RAP1GAP2: variants seen among roughly 807,000 people sequenced by gnomAD.
RAP1GAP2 encodes the protein rap1 GTPase-activating protein 2.
A neutral mutation model predicts 95.0 loss-of-function variants in RAP1GAP2; 27 were observed. The ratio of observed to expected loss-of-function variants is 0.28; its 90% CI spans 0.21 to 0.39. RAP1GAP2 has a LOEUF of 0.39. RAP1GAP2 is among the 10% of genes least tolerant of loss of function. The pLI, the probability that RAP1GAP2 is intolerant of heterozygous loss-of-function variation, is 1.00. For missense variants in RAP1GAP2, 771 were observed against 970.0 expected, an observed-to-expected ratio of 0.79 and a Z score of 2.72; for synonymous variants, 373 against 380.9, an observed-to-expected ratio of 0.98 and a Z score of 0.24.
chr17:3,026,630 C>T (rs796462738), intron 21 of RAP1GAP2, among the ~76,000 whole-genome samples, 166 bp downstream of exon 21: 3 of 152,186 alleles, frequency 2.0e-5, no homozygotes, highest in South Asian at 2.1e-4. Context: ...ACCCCCTGGG[C>T]GCAGTGGGTG....
At position 2,898,305 on chromosome 17, in the gene RAP1GAP2, G is replaced by A. The variant is rs186684311; in HGVS notation, c.81-6979G>A. 1.7e-3 allele frequency among the ~76,000 whole-genome samples: 258 copies of A among 152,252 alleles called. 1 individual carries two copies. Among genetic ancestry groups the A allele is most frequent in the Non-Finnish European group, 3.2e-3 (219 of 68,008 alleles). ...ATGTGCTGGGATGGGCTGTGACCCC[G>A]AGGTCAGCCCTGCCAGGTAGGAACA... is the stretch of plus-strand genomic sequence containing the variant. On this transcript the variant is annotated intron_variant, in intron 2 of 24. Transcript: ENST00000254695.
chr17:2,775,048 C>T (rs9893270), upstream of RAP1GAP2, among the ~76,000 whole-genome samples: 24,543 of 150,314 alleles, frequency 0.16, 2,128 homozygotes, highest in African/African-American at 0.22. Flanking sequence ...ACCAGGTTGG[C>T]CTTGAACTCC....
chr17:2,873,608 A>G (rs1408067249), intron 2 of RAP1GAP2, among the ~76,000 whole-genome samples: 1 of 150,248 alleles, frequency 6.7e-6, no homozygotes. Flanking sequence ...CCTTCTAATA[A>G]TTTTGGCGTT....
At chr17:2,914,045 G>C (rs1182268264) in intron 3 of RAP1GAP2, among the ~76,000 whole-genome samples, 1 of 151,942 alleles carries the variant, frequency 6.6e-6, no homozygotes, top group African/African-American at 2.4e-5. Context: ...TAAGTTTTTT[G>C]TATTTTTAAT....
At chr17:2,968,207 A>C (rs942740255) in intron 8 of RAP1GAP2, among the ~76,000 whole-genome samples, 3 of 152,200 alleles carry the variant, frequency 2.0e-5, no homozygotes, top group Non-Finnish European at 4.4e-5. Flanking sequence ...GAATGGGAGG[A>C]AACAGTTGCT....
At chr17:2,916,842 C>T (rs949916160) in intron 3 of RAP1GAP2, among the ~76,000 whole-genome samples, 4 of 152,186 alleles carry the variant, frequency 2.6e-5, no homozygotes. Flanking sequence ...GTAGCTGGCT[C>T]ATCAGAGTCC....
rs138868322 is a variant in RAP1GAP2 at position 2,991,467 on chromosome 17, G to C, written c.914+70G>C. 5 of 1,205,902 alleles carry C rather than the reference G, an allele frequency of 4.1e-6. No individual in the cohort carries two copies. In the Admixed American group the frequency reaches 6.2e-5, roughly 15 times the overall value. 74.7% of individuals were successfully genotyped at this position (1,205,902 alleles called of 1,614,324 possible). On this transcript the variant is annotated intron_variant, in intron 12 of 24. Coordinates refer to ENST00000254695, the MANE Select transcript of RAP1GAP2 (RefSeq NM_015085.5). Reference sequence around the variant, plus strand: ...ACTAGAGGAAGGGCAAGACAGCTCAGTCCTCAGGGAGCACGTGTGAGTTAA... The same window carrying C: ...ACTAGAGGAAGGGCAAGACAGCTCACTCCTCAGGGAGCACGTGTGAGTTAA...
chr17:2,975,694 G>T (rs1206542187), intron 8 of RAP1GAP2, among the ~76,000 whole-genome samples: 2 of 152,348 alleles, frequency 1.3e-5, no homozygotes, highest in African/African-American at 2.4e-5. Flanking sequence ...CCTGAGGGTG[G>T]TCTCCTGTGC....
In RAP1GAP2 at chr17:2,771,210, CG is replaced by C. The variant is rs144822760; in HGVS notation, c.167+766del. On this transcript the variant is annotated intron_variant, in intron 2 of 25. Transcript: ENST00000637138. ...CACTTTGCTTTGACCTGGAGCCAGC[CG>C]TGCCTTCTTTGTCCGCCTCCTTTCC... 8.8e-3 allele frequency among the ~76,000 whole-genome samples: 1,337 copies of C among 152,248 alleles called. 19 individuals are homozygous for C. The highest frequency in any genetic ancestry group is 0.03 in the African/African-American group (1,258 of 41,522).
At chr17:2,893,910 G>A (rs1198404989) in intron 2 of RAP1GAP2, among the ~76,000 whole-genome samples, 2 of 152,314 alleles carry the variant, frequency 1.3e-5, no homozygotes, top group African/African-American at 2.4e-5. Flanking sequence ...CCTGAGCACC[G>A]CCCTTCCAGC....
intron 2 of RAP1GAP2, among the ~76,000 whole-genome samples, chr17:2,808,246 C>T (rs2069605669): frequency 6.6e-6 from 1 of 152,128 alleles, no homozygotes. Context: ...GTGGCCTTCC[C>T]TGCCTGGAGC....
chr17:2,848,157 G>A (rs1378160983), intron 2 of RAP1GAP2, among the ~76,000 whole-genome samples: 1 of 152,142 alleles, frequency 6.6e-6, no homozygotes, highest in East Asian at 1.9e-4. Context: ...AGCGCAGGGT[G>A]CCCGCCACTG....
intron 2 of RAP1GAP2, among the ~76,000 whole-genome samples, chr17:2,829,542 A>T (rs576072337): frequency 6.6e-6 from 1 of 152,280 alleles, no homozygotes; most frequent in South Asian, 2.1e-4. Context: ...TTCATGTGAG[A>T]AGGGAGAACT....
chr17:2,917,953 TGATCCACCTGCCTCGGC>T (rs1343149392), intron 3 of RAP1GAP2, among the ~76,000 whole-genome samples: 1 of 152,038 alleles, frequency 6.6e-6, no homozygotes, highest in Non-Finnish European at 1.5e-5. Flanking sequence ...TGACCTCAGG[TGATCCACCTGCCTCGGC>T]CTCCGGAAGT....
intron 2 of RAP1GAP2, among the ~76,000 whole-genome samples, chr17:2,805,981 T>C (rs2069499272): frequency 6.6e-6 from 1 of 152,124 alleles, no homozygotes; most frequent in Non-Finnish European, 1.5e-5. Context: ...TTTAAGTGGG[T>C]GGCTGCAGCC....
intron 3 of RAP1GAP2, among the ~76,000 whole-genome samples, chr17:2,934,020 CA>C (rs2043232049): frequency 6.6e-6 from 1 of 152,274 alleles, no homozygotes. Context: ...GAGCCTCTTG[CA>C]AATACCCACA....
At chr17:2,771,139 G>C (rs1208549483) in intron 2 of RAP1GAP2, among the ~76,000 whole-genome samples, 1 of 152,164 alleles carries the variant, frequency 6.6e-6, no homozygotes, top group African/African-American at 2.4e-5. Flanking sequence ...GAGATCCCTG[G>C]TTCCTTCCTC....
intron 2 of RAP1GAP2, among the ~76,000 whole-genome samples, chr17:2,883,147 C>T (rs1484975533): frequency 1.3e-5 from 2 of 152,206 alleles, no homozygotes; most frequent in African/African-American, 4.8e-5. Context: ...GCTCCACAGC[C>T]CCCAGGAGAC....
chr17:3,005,184 C>T lies in RAP1GAP2; in HGVS notation c.1201-185C>T, dbSNP rs1306237889. 1.3e-5 allele frequency among the ~76,000 whole-genome samples: 2 copies of T among 152,198 alleles called. No individual in the cohort carries two copies. The highest frequency in any genetic ancestry group is 2.9e-5 in the Non-Finnish European group (2 of 68,044). ...ATGAGAGGCTGCGGATGGCCCCACA[C>T]CGTCCGGCCCCACTTCTAGGAACAG... On this transcript the variant is annotated intron_variant, in intron 14 of 24. Coordinates refer to ENST00000254695, the MANE Select transcript of RAP1GAP2 (RefSeq NM_015085.5). This position sits in a 1 kb window ranked among gnomAD's most constrained non-coding sequence, Gnocchi z 5.2.
Sources: gnomAD v4.1 joint callset for allele counts (sites outside exome capture counted in the v4.1 genomes callset) on GRCh38, gnomAD v4.1.1 for gene constraint, Gnocchi (gnomAD v3.1) non-coding constraint, MANE v1.5 for transcripts, NCBI Gene and HGNC (gene_info 2026-07-23, HGNC 2026-07-21) for gene names.